ZNF507: variants seen among roughly 807,000 people sequenced by gnomAD.
The protein encoded by ZNF507 is zinc finger protein 507.
Under a neutral mutation model 80.0 loss-of-function variants are expected in ZNF507, and 29 were observed. The ratio of observed to expected loss-of-function variants is 0.36; its 90% CI spans 0.27 to 0.49. ZNF507 has a LOEUF of 0.49. Ranked by LOEUF, ZNF507 falls within the 20% of genes least tolerant of loss-of-function variation. The pLI, the probability that ZNF507 is intolerant of heterozygous loss-of-function variation, is 0.98. For missense variants in ZNF507, 1,081 were observed against 1,152.2 expected (o/e 0.94, Z 0.90); for synonymous variants, 462 against 422.5 (o/e 1.09, Z -1.15).
At chr19:32,363,671 C>A (rs1967360057) in intron 5 of ZNF507, among the ~76,000 whole-genome samples, 1 of 152,208 alleles carries the variant, frequency 6.6e-6, no homozygotes, top group Admixed American at 6.5e-5. Context: ...TAATAAACAG[C>A]CAGTAAGTGG....
chr19:32,355,082 T>C, intron 3 of ZNF507, 125 bp downstream of exon 3: 1 of 978,700 alleles, frequency 1.0e-6, no homozygotes, highest in South Asian at 1.8e-5. Context: ...AAAAGTTTGA[T>C]AAGTTGCCCA....
intron 5 of ZNF507, among the ~76,000 whole-genome samples, chr19:32,375,497 GAT>G (rs1967534407): frequency 1.3e-5 from 2 of 152,206 alleles, no homozygotes; most frequent in Admixed American, 6.5e-5. Context: ...ATCTTCAACA[GAT>G]ACATGCATGA....
chr19:32,354,173 C>A lies in ZNF507; in HGVS notation c.1343C>A (p.Thr448Asn). ...GATGTTTATCGTGCTGATAAATGTA[C>A]TGTTGATATTGGGGGATTGATCATA... ...MDDVYRADKC[T>N]VDIGGLIIGW... Residue 448 changes from threonine to asparagine, a missense_variant, in exon 3 of 7, where the codon ACT becomes AAT. Physicochemically the swap from Thr to Asn is moderately conservative, Grantham distance 65 (BLOSUM62 0). Transcript: ENST00000355898. The A allele has an allele frequency of 6.2e-7, 1 of 1,613,264 alleles. No individual in the cohort carries two copies. Among genetic ancestry groups the A allele is most frequent in the Non-Finnish European group, 8.5e-7 (1 of 1,180,016 alleles).
intron 2 of ZNF507, among the ~76,000 whole-genome samples, chr19:32,348,852 A>T (rs1967127795): frequency 6.6e-6 from 1 of 152,160 alleles, no homozygotes; most frequent in Admixed American, 6.5e-5. Flanking sequence ...GCTTATTCTT[A>T]CTTCTAAAAA....
At chr19:32,377,590 C>T (rs1440751385) in intron 5 of ZNF507, among the ~76,000 whole-genome samples, 1 of 152,200 alleles carries the variant, frequency 6.6e-6, no homozygotes, top group African/African-American at 2.4e-5. Context: ...TCTCTTGCCT[C>T]GGCACCTAGG....
At chr19:32,365,724 A>C (rs994379052) in intron 5 of ZNF507, among the ~76,000 whole-genome samples, 3 of 152,184 alleles carry the variant, frequency 2.0e-5, no homozygotes, top group Non-Finnish European at 4.4e-5. Flanking sequence ...CTTTTTAACC[A>C]TAAGGCATGG....
At position 32,386,930 on chromosome 19, in the gene ZNF507, G is replaced by A. The variant is rs1243042994; in HGVS notation, c.*3847G>A. The A allele has an allele frequency of 6.6e-6, 1 of 152,302 alleles. No individual in the cohort carries two copies. The highest frequency in any genetic ancestry group is 1.5e-5 in the Non-Finnish European group (1 of 68,028). 9.4% of individuals were successfully genotyped at this position (152,302 alleles called of 1,614,324 possible). A position where few individuals can be genotyped will look rare whatever the true frequency, so the allele number is the denominator to read the frequency against. ...TGATGACTTTATTGCTTAGAAAGTT[G>A]TAAATAATTAAAAGCTTCCCAAGAG... is the stretch of plus-strand genomic sequence containing the variant. On this transcript the variant is annotated 3_prime_UTR_variant, in exon 7 of 7. Transcript: ENST00000355898.
intron 4 of ZNF507, chr19:32,359,918 A>T (rs567880282): frequency 2.0e-5 from 3 of 151,882 alleles, no homozygotes; most frequent in Admixed American, 6.6e-5. Context: ...TGGGGGAGAG[A>T]TCTCTTGCTC....
rs770421341 is a variant in ZNF507, at chr19:32,354,158, G to C, written c.1328G>C (p.Arg443Pro). 6.2e-6 allele frequency: 10 copies of C among 1,612,984 alleles called. No individual in the cohort carries two copies. Among genetic ancestry groups the C allele is most frequent in the South Asian group, 1.1e-5 (1 of 91,092 alleles). Reference sequence around the variant, plus strand: ...CGCGAAGGAATGGATGATGTTTATCGTGCTGATAAATGTACTGTTGATATT... The same window carrying C: ...CGCGAAGGAATGGATGATGTTTATCCTGCTGATAAATGTACTGTTGATATT... ...IGREGMDDVY[R>P]ADKCTVDIGG... The change falls in exon 3 of 7, where the codon CGT (arginine) becomes CCT (proline). Residue 443 changes from arginine to proline, a missense_variant. Coordinates refer to ENST00000355898, the MANE Select transcript of ZNF507 (RefSeq NM_001136156.2).
In ZNF507 at chr19:32,386,229, G is replaced by A. The variant is rs565402505; in HGVS notation, c.*3146G>A. Reference sequence around the variant, plus strand: ...TTTCTTCCTATTGAAGGTGGCTGCTGGTGGCTTCATAATTTTCTGTTTTTT... The same window carrying A: ...TTTCTTCCTATTGAAGGTGGCTGCTAGTGGCTTCATAATTTTCTGTTTTTT... On this transcript the variant is annotated 3_prime_UTR_variant, in exon 7 of 7. Coordinates refer to ENST00000355898, the MANE Select transcript of ZNF507 (RefSeq NM_001136156.2). 26 of 152,688 alleles carry A rather than the reference G, an allele frequency of 1.7e-4. No individual in the cohort carries two copies. The highest frequency in any genetic ancestry group is 1.4e-3 in the Admixed American group (22 of 15,282). The allele number at this position is 152,688 out of a possible 1,614,324, so 9.5% of individuals were successfully genotyped here. A position where few individuals can be genotyped will look rare whatever the true frequency, so the allele number is the denominator to read the frequency against.
chr19:32,346,393 C>G (rs143940096), intron 1 of ZNF507, among the ~76,000 whole-genome samples: 165 of 152,316 alleles, frequency 1.1e-3, no homozygotes, highest in Non-Finnish European at 2.0e-3. Context: ...GTGGCGGCCA[C>G]TTTCCCAACC....
At chr19:32,351,011 A>G (rs1216587508) in intron 2 of ZNF507, among the ~76,000 whole-genome samples, 1 of 152,222 alleles carries the variant, frequency 6.6e-6, no homozygotes, top group Non-Finnish European at 1.5e-5. Context: ...CTCCTCTTTA[A>G]TGACTTACAG....
intron 5 of ZNF507, among the ~76,000 whole-genome samples, chr19:32,366,760 G>T (rs768372992): frequency 1.4e-4 from 21 of 152,234 alleles, no homozygotes; most frequent in Non-Finnish European, 2.8e-4. Flanking sequence ...AATTGGACAT[G>T]TATATGTATT....
chr19:32,360,930 C>T (rs1247011372), intron 5 of ZNF507, among the ~76,000 whole-genome samples: 1 of 152,182 alleles, frequency 6.6e-6, no homozygotes, highest in Non-Finnish European at 1.5e-5. Context: ...AGCCACTGCA[C>T]CTGGCTGGTA....
In ZNF507 at chr19:32,352,895, C is replaced by T. The variant is rs758654297; in HGVS notation, c.65C>T (p.Thr22Ile). ...ATTGGGGAACAGGAAGCTATACTGA[C>T]TGCTGAAAGTATCATCAGTCCTTCA... ...PDIGEQEAILTAESIISPSLE... is the reference protein window; with the variant it reads ...PDIGEQEAILIAESIISPSLE... The change falls in exon 3 of 7, where the codon ACT becomes ATT. Residue 22 changes from threonine (T) to isoleucine (I), a missense_variant. Around this residue, in one of 6 missense-constraint regions of ZNF507, gnomAD observed 275 missense variants for 303.9 expected, o/e 0.90. Transcript: ENST00000355898. The T allele has an allele frequency of 1.1e-5, 18 of 1,612,902 alleles. No individual in the cohort carries two copies. Among genetic ancestry groups the T allele is most frequent in the Non-Finnish European group, 1.3e-5 (15 of 1,179,716 alleles).
chr19:32,374,038 C>T (rs1462621482), intron 5 of ZNF507, among the ~76,000 whole-genome samples: 5 of 152,174 alleles, frequency 3.3e-5, no homozygotes, highest in African/African-American at 1.2e-4. Flanking sequence ...TTGTTCTCTG[C>T]AGTTACTCAC....
intron 5 of ZNF507, among the ~76,000 whole-genome samples, chr19:32,376,695 TAAAAG>T (rs921125054): frequency 5.3e-5 from 8 of 152,044 alleles, no homozygotes; most frequent in African/African-American, 1.2e-4. Flanking sequence ...GACAAAGAGA[TAAAAG>T]AAAAGACAGC....
chr19:32,375,499 T>TA (rs1967534486), intron 5 of ZNF507, among the ~76,000 whole-genome samples: 1 of 152,164 alleles, frequency 6.6e-6, no homozygotes, highest in Non-Finnish European at 1.5e-5. Context: ...CTTCAACAGA[T>TA]ACATGCATGA....
chr19:32,369,429 G>GT (rs1399548504), intron 5 of ZNF507, among the ~76,000 whole-genome samples: 1 of 152,172 alleles, frequency 6.6e-6, no homozygotes, highest in African/African-American at 2.4e-5. Context: ...AAGCAGAATC[G>GT]TGACAGGTGG....
Sources: gnomAD v4.1 joint callset for allele counts (sites outside exome capture counted in the v4.1 genomes callset) on GRCh38, gnomAD v4.1.1 for gene constraint, gnomAD v4.1.1 regional missense constraint, MANE v1.5 for transcripts, NCBI Gene and HGNC (gene_info 2026-07-23, HGNC 2026-07-21) for gene names.